Variants in KCNMB2 observed in about 807,000 individuals in gnomAD.
KCNMB2 encodes calcium-activated potassium channel subunit beta-2.
In KCNMB2, 9 loss-of-function variants were observed where a neutral mutation model predicts 24.5. The observed-to-expected ratio is 0.37, with a 90% CI of 0.22 to 0.64. The LOEUF is 0.64. Among genes scored for constraint, KCNMB2 ranks in the 30% least tolerant of loss-of-function variants. The probability of loss-of-function intolerance (pLI) is 0.63; values close to 1 mark genes in which losing one functional copy is unlikely to be tolerated. For missense variants in KCNMB2, 226 were observed against 284.3 expected (o/e 0.79, Z 1.47); for synonymous variants, 109 against 104.4 (o/e 1.04, Z -0.27).
rs139890951 is a variant in KCNMB2 at position 178,600,782 on chromosome 3, T to C, written c.-68+64071T>C. On this transcript the variant is annotated intron_variant, in intron 1 of 4. Transcript: ENST00000452583. ...AACATGCGTGCATGTGTCTTTATAG[T>C]AGAATGATTTATAACCCTTTGGGTA... 2.5e-3 allele frequency among the ~76,000 whole-genome samples: 386 copies of C among 152,278 alleles called. 3 individuals carry two copies. The highest frequency in any genetic ancestry group is 8.9e-3 in the African/African-American group (368 of 41,556).
At chr3:178,624,964 A>T (rs1719059113) in intron 1 of KCNMB2, among the ~76,000 whole-genome samples, 1 of 151,922 alleles carries the variant, frequency 6.6e-6, no homozygotes, top group African/African-American at 2.4e-5. Context: ...AGGGCAGGGG[A>T]GGAAGATAAG....
chr3:178,672,243 A>G (rs1303153854), intron 1 of KCNMB2, among the ~76,000 whole-genome samples: 1 of 152,182 alleles, frequency 6.6e-6, no homozygotes, highest in Non-Finnish European at 1.5e-5. Flanking sequence ...AAGCCTTGTC[A>G]CATGGATTCC....
intron 1 of KCNMB2, among the ~76,000 whole-genome samples, chr3:178,579,736 T>C (rs180841684): frequency 1.3e-5 from 2 of 152,208 alleles, no homozygotes; most frequent in African/African-American, 4.8e-5. Context: ...GAGAACACTA[T>C]AAACACCTCT....
intron 4 of KCNMB2, among the ~76,000 whole-genome samples, chr3:178,833,070 T>G (rs1715101175): frequency 2.0e-5 from 3 of 151,038 alleles, no homozygotes; most frequent in East Asian, 1.9e-4. Context: ...TCCACTTACT[T>G]CTGCCAGGTA....
intron 1 of KCNMB2, among the ~76,000 whole-genome samples, chr3:178,621,950 A>T (rs1426413788): frequency 6.6e-6 from 1 of 152,180 alleles, no homozygotes; most frequent in Non-Finnish European, 1.5e-5. Flanking sequence ...TAATTGGGTT[A>T]TGATCTTGCC....
chr3:178,834,310 C>G (rs2108474240), intron 4 of KCNMB2, among the ~76,000 whole-genome samples: 1 of 152,330 alleles, frequency 6.6e-6, no homozygotes, highest in South Asian at 2.1e-4. Context: ...CATTCACTAA[C>G]TAATTATGTC....
At chr3:178,574,788 C>T (rs1716931446) in intron 1 of KCNMB2, among the ~76,000 whole-genome samples, 1 of 152,176 alleles carries the variant, frequency 6.6e-6, no homozygotes, top group Non-Finnish European at 1.5e-5. Flanking sequence ...TAAATCTGGG[C>T]CAGGCGTGGT....
At chr3:178,619,104 T>C (rs1291588766) in intron 1 of KCNMB2, among the ~76,000 whole-genome samples, 2 of 152,216 alleles carry the variant, frequency 1.3e-5, no homozygotes, top group Non-Finnish European at 2.9e-5. Context: ...AGCTGCCATG[T>C]ATCAGACACA....
chr3:178,748,528 G>A (rs1723742592), intron 1 of KCNMB2: 1 of 152,192 alleles, frequency 6.6e-6, no homozygotes, highest in African/African-American at 2.4e-5. Flanking sequence ...AATGGCTTAT[G>A]AATGGGAATT....
At chr3:178,821,836 T>C (rs946903177) in intron 2 of KCNMB2, among the ~76,000 whole-genome samples, 9 of 152,218 alleles carry the variant, frequency 5.9e-5, no homozygotes, top group Admixed American at 5.2e-4. Context: ...CCTGAAGTTC[T>C]GTCTCATAGA....
intron 1 of KCNMB2, among the ~76,000 whole-genome samples, chr3:178,587,601 G>GTT (rs764417885): frequency 0.03 from 3,934 of 132,974 alleles, 257 homozygotes; most frequent in African/African-American, 0.1. Flanking sequence ...TTTTTTGGGT[G>GTT]GTTTTTTTTT....
Position 178,726,335 on chromosome 3 carries a change from G to A in KCNMB2, c.-67-81008G>A, listed in dbSNP as rs370797352. The stretch of plus-strand genomic sequence containing the variant: ...CAACCATACTTAAAGAATTCAAGAG[G>A]AAAAAAATAATCTACTGTGTTTACC... On this transcript the variant is annotated intron_variant, in intron 1 of 4. Coordinates refer to ENST00000452583, the MANE Select transcript of KCNMB2 (RefSeq NM_181361.3). Among the ~76,000 whole-genome samples the A allele has an allele frequency of 2.0e-4, 31 of 151,800 alleles. No homozygotes were observed. In the South Asian group the frequency reaches 6.4e-3, roughly 32 times the overall value.
At chr3:178,554,760 C>T (rs1422621654) in intron 1 of KCNMB2, among the ~76,000 whole-genome samples, 1 of 152,204 alleles carries the variant, frequency 6.6e-6, no homozygotes, top group Admixed American at 6.5e-5. Flanking sequence ...GATAAACAGA[C>T]TGGAAGACAT....
chr3:178,818,980 A>G (rs1714516903), intron 2 of KCNMB2, among the ~76,000 whole-genome samples: 2 of 152,210 alleles, frequency 1.3e-5, no homozygotes, highest in Admixed American at 1.3e-4. Flanking sequence ...GGTCCGTCAA[A>G]GGACTCTTAA....
rs370994914 is a variant in KCNMB2 at position 178,646,621 on chromosome 3, T to C, written c.-68+109910T>C. Reference sequence around the variant, plus strand: ...TGTAAGCGAGGCTGAAACAATCCTTTCCGACCAGCAGGTCTGAGAATTAGT... The same window carrying C: ...TGTAAGCGAGGCTGAAACAATCCTTCCCGACCAGCAGGTCTGAGAATTAGT... On this transcript the variant is annotated intron_variant, in intron 1 of 4. Coordinates refer to ENST00000452583, the MANE Select transcript of KCNMB2 (RefSeq NM_181361.3). Among the ~76,000 whole-genome samples the C allele has an allele frequency of 7.2e-5, 11 of 152,324 alleles. No homozygotes were observed. In the East Asian group the frequency reaches 1.9e-3, roughly 27 times the overall value.
chr3:178,671,556 A>AAATACAG (rs1447304524), intron 1 of KCNMB2, among the ~76,000 whole-genome samples: 1 of 152,150 alleles, frequency 6.6e-6, no homozygotes, highest in Non-Finnish European at 1.5e-5. Flanking sequence ...CTTAGAGAGA[A>AAATACAG]AATACAGAAT....
At chr3:178,595,579 CG>C (rs1717838398) in intron 1 of KCNMB2, among the ~76,000 whole-genome samples, 1 of 152,060 alleles carries the variant, frequency 6.6e-6, no homozygotes, top group African/African-American at 2.4e-5. Flanking sequence ...TTAGTGCTAA[CG>C]AGATCTGGTT....
intron 2 of KCNMB2, 87 bp downstream of exon 2, chr3:178,807,552 T>C: frequency 8.9e-7 from 1 of 1,125,390 alleles, no homozygotes; most frequent in Non-Finnish European, 1.3e-6. Flanking sequence ...AGTAGGCAAC[T>C]GAGCCTTATG....
chr3:178,707,112 A>G (rs1293011795), intron 1 of KCNMB2, among the ~76,000 whole-genome samples: 2 of 152,244 alleles, frequency 1.3e-5, no homozygotes, highest in Middle Eastern at 6.8e-3. Flanking sequence ...CTAAGGGAGG[A>G]TATGAGTGGC....
Sources: gnomAD v4.1 joint callset for allele counts (sites outside exome capture counted in the v4.1 genomes callset) on GRCh38, gnomAD v4.1.1 for gene constraint, MANE v1.5 for transcripts, NCBI Gene and HGNC (gene_info 2026-07-23, HGNC 2026-07-21) for gene names.